The following KIF26B variants were observed in gnomAD, a reference collection of about 807,000 sequenced individuals.
The protein encoded by KIF26B is kinesin family member 26B.
KIF26B carries 63 observed loss-of-function variants against 151.2 expected under a neutral mutation model. The ratio of observed to expected loss-of-function variants is 0.42; its 90% CI spans 0.34 to 0.51. KIF26B has a LOEUF of 0.51. Among genes scored for constraint, KIF26B ranks in the 20% least tolerant of loss-of-function variants. KIF26B has a pLI of 0.07. For missense variants in KIF26B, 2,813 were observed against 2,913.6 expected (o/e 0.97, Z 0.79); for synonymous variants, 1,357 against 1,262.1 (o/e 1.08, Z -1.59).
At chr1:245,332,150 A>T (rs1032020773) in intron 2 of KIF26B, among the ~76,000 whole-genome samples, 1 of 152,172 alleles carries the variant, frequency 6.6e-6, no homozygotes, top group African/African-American at 2.4e-5. Context: ...GCAATAAAAA[A>T]TGAAGTCCTC....
chr1:245,368,153 C>G (rs1194383395), intron 3 of KIF26B, among the ~76,000 whole-genome samples: 1 of 152,144 alleles, frequency 6.6e-6, no homozygotes, highest in Non-Finnish European at 1.5e-5. Context: ...GACCCAAATT[C>G]TTTTCTATTT....
intron 3 of KIF26B, among the ~76,000 whole-genome samples, chr1:245,411,228 C>T (rs1195990658): frequency 6.6e-6 from 1 of 152,208 alleles, no homozygotes; most frequent in Non-Finnish European, 1.5e-5. Flanking sequence ...AAAGGCATCA[C>T]CGCGGTTCTG....
chr1:245,562,038 G>A (rs979441973), intron 5 of KIF26B, among the ~76,000 whole-genome samples: 2 of 152,068 alleles, frequency 1.3e-5, no homozygotes, highest in Non-Finnish European at 1.5e-5. Flanking sequence ...ATACCCAGAT[G>A]ACCTGGGGGG....
chr1:245,158,036 C>T (rs1306937198), intron 2 of KIF26B, among the ~76,000 whole-genome samples: 2 of 152,148 alleles, frequency 1.3e-5, no homozygotes, highest in African/African-American at 2.4e-5. Context: ...ATGCACAGTT[C>T]ACAATGTCTT....
At chr1:245,490,771 A>G (rs1335959008) in intron 4 of KIF26B, among the ~76,000 whole-genome samples, 5 of 152,152 alleles carry the variant, frequency 3.3e-5, no homozygotes, top group Non-Finnish European at 7.3e-5. Flanking sequence ...TCAATACTGA[A>G]TTCTTAGAAA....
chr1:245,189,136 G>A (rs996442200), intron 2 of KIF26B, among the ~76,000 whole-genome samples: 20 of 152,220 alleles, frequency 1.3e-4, no homozygotes, highest in African/African-American at 2.2e-4. Flanking sequence ...TGATGGTTGC[G>A]TAGCAATGTG....
intron 4 of KIF26B, among the ~76,000 whole-genome samples, chr1:245,501,564 TATC>T (rs1660620491): frequency 6.6e-6 from 1 of 152,232 alleles, no homozygotes; most frequent in Admixed American, 6.5e-5. Flanking sequence ...TTAGAAGAGT[TATC>T]ATGCCTGCAG....
intron 9 of KIF26B, among the ~76,000 whole-genome samples, chr1:245,644,450 C>G (rs1423179287): frequency 6.6e-6 from 1 of 152,146 alleles, no homozygotes; most frequent in East Asian, 1.9e-4. Flanking sequence ...AACATCTATG[C>G]TAGTTCTAGG....
intron 2 of KIF26B, among the ~76,000 whole-genome samples, chr1:245,221,832 G>A (rs1259018400): frequency 1.3e-5 from 2 of 152,180 alleles, no homozygotes; most frequent in African/African-American, 4.8e-5. Flanking sequence ...AAATGTGATT[G>A]TTTTTATCCT....
At position 245,166,028 on chromosome 1, in the gene KIF26B, T is replaced by C. The variant is rs537335684; in HGVS notation, c.465+9345T>C. 7.6e-4 allele frequency among the ~76,000 whole-genome samples: 115 copies of C among 152,260 alleles called. No individual in the cohort carries two copies. Among genetic ancestry groups the C allele is most frequent in the Middle Eastern group, 6.8e-3 (2 of 294 alleles). On this transcript the variant is annotated intron_variant, in intron 2 of 14. Transcript: ENST00000407071. The surrounding 1 kb of genome is among the most constrained non-coding windows in gnomAD (Gnocchi z 4.5). ...AATGAAGAACTACAATCAACAGACT[T>C]GCGTGCAAAACCAGGCTCCGTCACT...
intron 2 of KIF26B, among the ~76,000 whole-genome samples, chr1:245,322,221 G>A (rs563204347): frequency 6.6e-6 from 1 of 152,040 alleles, no homozygotes; most frequent in Non-Finnish European, 1.5e-5. Flanking sequence ...GGGGCCTGTG[G>A]GGGATGGGGG....
At chr1:245,216,015 C>T (rs2103546345) in intron 2 of KIF26B, 1 of 151,962 alleles carries the variant, frequency 6.6e-6, no homozygotes, top group East Asian at 1.9e-4. Flanking sequence ...ATCACTTGAG[C>T]CCAGGAGTTC....
rs149164663 is a variant in KIF26B at position 245,699,046 on chromosome 1, G to A, written c.6178+9G>A. 1,398 of 1,611,952 alleles carry A rather than the reference G, an allele frequency of 8.7e-4. 14 individuals carry two copies. In the African/African-American group the frequency reaches 0.016, roughly 19 times the overall value. ...CAAGTGGCTCAGTGAATGTAAGGCC[G>A]GGGTGCCTTCCCACCCTTGTGACTA... On this transcript the variant is annotated intron_variant, in intron 14 of 14. Transcript: ENST00000407071.
At position 245,563,297 on chromosome 1, in the gene KIF26B, G is replaced by A. The variant is rs746242452; in HGVS notation, c.1350+22347G>A. Among the ~76,000 whole-genome samples, 9 of 152,198 alleles carry A rather than the reference G, an allele frequency of 5.9e-5. No homozygotes were observed. The highest frequency in any genetic ancestry group is 1.4e-4 in the African/African-American group (6 of 41,518). ...ATTTCCCTTATTCACTAAACAACCC[G>A]TTTCCACCCATTTCTCTTGTTCCTT... On this transcript the variant is annotated intron_variant, in intron 5 of 14. Coordinates refer to ENST00000407071, the MANE Select transcript of KIF26B (RefSeq NM_018012.4). The surrounding 1 kb of genome is among the most constrained non-coding windows in gnomAD (Gnocchi z 4.6).
chr1:245,184,615 A>AATCTG lies in KIF26B; in HGVS notation c.465+27934_465+27938dup, dbSNP rs540160395. On this transcript the variant is annotated intron_variant, in intron 2 of 14. Coordinates refer to ENST00000407071, the MANE Select transcript of KIF26B (RefSeq NM_018012.4). ...GTAAAAATAGGAGTCAAAATTTTAA[A>AATCTG]ATCTGAATTTATGCAACAAATTAAA... Among the ~76,000 whole-genome samples the AATCTG allele has an allele frequency of 6.4e-4, 98 of 152,326 alleles. 1 individual carries two copies. In the South Asian group the frequency reaches 0.02, roughly 31 times the overall value.
chr1:245,250,417 A>G (rs1015472995), intron 2 of KIF26B, among the ~76,000 whole-genome samples: 2 of 152,180 alleles, frequency 1.3e-5, no homozygotes, highest in Non-Finnish European at 2.9e-5. Context: ...CTGTACCTTG[A>G]TTTACTTAGC....
chr1:245,210,472 A>C (rs1669494715), intron 2 of KIF26B, among the ~76,000 whole-genome samples: 1 of 144,200 alleles, frequency 6.9e-6, no homozygotes, highest in Admixed American at 7.0e-5. Flanking sequence ...ATCTTTTGGC[A>C]GAGTTTTTGA....
intron 5 of KIF26B, among the ~76,000 whole-genome samples, chr1:245,567,088 C>T (rs1354436663): frequency 4.6e-5 from 7 of 152,156 alleles, no homozygotes; most frequent in Admixed American, 1.3e-4. Context: ...GGCCAAGGGT[C>T]AGAAGTAGCA....
intron 9 of KIF26B, among the ~76,000 whole-genome samples, chr1:245,617,583 C>A (rs145185709): frequency 6.6e-6 from 1 of 152,156 alleles, no homozygotes; most frequent in Non-Finnish European, 1.5e-5. Flanking sequence ...CTGTCCCCAG[C>A]AGCGAAGCCC....
Sources: allele counts gnomAD v4.1 joint callset (sites outside exome capture counted in the v4.1 genomes callset), GRCh38; gene constraint gnomAD v4.1.1; non-coding constraint Gnocchi (gnomAD v3.1); transcripts MANE v1.5; gene names NCBI Gene and HGNC (gene_info 2026-07-23, HGNC 2026-07-21).